TUSC3: variants seen among roughly 807,000 people sequenced by gnomAD.
The protein encoded by TUSC3 is tumor suppressor candidate 3.
A neutral mutation model predicts 44.8 loss-of-function variants in TUSC3; 45 were observed. That is an observed-to-expected ratio of 1.00 (90% CI 0.79 to 1.29). The LOEUF (loss-of-function observed/expected upper bound fraction) is 1.29, where lower values mean the gene tolerates loss of function less well. Among genes scored for constraint, TUSC3 ranks in the 50% most tolerant of loss-of-function variants. The pLI, the probability that TUSC3 is intolerant of heterozygous loss-of-function variation, is 0.00. For synonymous variants in TUSC3, 212 were observed against 152.9 expected (o/e 1.39, Z -2.85); for missense variants, 519 against 437.9 (o/e 1.19, Z -1.65).
intron 2 of TUSC3, among the ~76,000 whole-genome samples, chr8:15,484,979 G>A (rs996401646): frequency 4.9e-4 from 75 of 152,234 alleles, no homozygotes; most frequent in Non-Finnish European, 1.0e-3. Context: ...ACAGTATGGC[G>A]TATGGTATGG....
intron 2 of TUSC3, among the ~76,000 whole-genome samples, chr8:15,641,653 T>A (rs1806376758): frequency 6.6e-6 from 1 of 152,174 alleles, no homozygotes; most frequent in Non-Finnish European, 1.5e-5. Context: ...ATTACTAGTA[T>A]TGTCATGCTA....
At chr8:15,730,552 A>T (rs1585276568) in intron 6 of TUSC3, 114 bp from the exon 7 acceptor site, 2 of 1,026,426 alleles carry the variant, frequency 1.9e-6, no homozygotes, top group African/African-American at 1.6e-5. Flanking sequence ...GAAAGTAATA[A>T]AAAATTAGTA....
intron 1 of TUSC3, among the ~76,000 whole-genome samples, chr8:15,553,697 G>C (rs919486349): frequency 3.3e-5 from 5 of 151,718 alleles, no homozygotes; most frequent in Non-Finnish European, 2.9e-5. Context: ...GGGTTGTGAG[G>C]AAGTGGAGGC....
chr8:15,504,599 ATATATATATATATATATATATATTTTTT>A (rs1387765509), intron 2 of TUSC3, among the ~76,000 whole-genome samples: 6 of 35,914 alleles, frequency 1.7e-4, no homozygotes, highest in African/African-American at 9.7e-4. Context: ...ATATATATAT[ATATATATATATATATATATATATTTTTT>A]TTTTTTTTTT....
the TUSC3 span, among the ~76,000 whole-genome samples, chr8:15,819,048 A>T: frequency 6.6e-6 from 1 of 151,428 alleles, no homozygotes; most frequent in Non-Finnish European, 1.5e-5. Flanking sequence ...ACAGAGTGAG[A>T]CCCCTGTCTC....
chr8:15,633,124 A>G (rs1297751338), intron 2 of TUSC3, among the ~76,000 whole-genome samples: 1 of 152,176 alleles, frequency 6.6e-6, no homozygotes, highest in East Asian at 1.9e-4. Context: ...GTGTATACGT[A>G]TTTTAAAATT....
chr8:15,754,660 C>CCT (rs952216655), intron 9 of TUSC3, among the ~76,000 whole-genome samples: 1 of 152,104 alleles, frequency 6.6e-6, no homozygotes, highest in Non-Finnish European at 1.5e-5. Flanking sequence ...GGGTGTTATG[C>CCT]CTCCGCCTTT....
chr8:15,550,549 T>C (rs1428659251), intron 1 of TUSC3, among the ~76,000 whole-genome samples: 1 of 151,766 alleles, frequency 6.6e-6, no homozygotes, highest in African/African-American at 2.4e-5. Flanking sequence ...GAATTTATGC[T>C]GTCAGGGTCT....
intron 1 of TUSC3, among the ~76,000 whole-genome samples, chr8:15,577,582 A>G (rs1473024075): frequency 3.4e-5 from 5 of 148,312 alleles, no homozygotes; most frequent in East Asian, 2.0e-4. Flanking sequence ...TCCTTTCCCC[A>G]TTGCTTGTTT....
chr8:15,522,025 T>C (rs930118389), intron 2 of TUSC3, among the ~76,000 whole-genome samples: 2 of 152,206 alleles, frequency 1.3e-5, no homozygotes, highest in Non-Finnish European at 2.9e-5. Context: ...TGTTACAATA[T>C]TCCAACCTCC....
the TUSC3 span, among the ~76,000 whole-genome samples, chr8:15,783,320 C>T: frequency 5.3e-5 from 8 of 152,198 alleles, no homozygotes; most frequent in East Asian, 3.9e-4. Flanking sequence ...ACAGATTTGA[C>T]GCAATCCCTA....
chr8:15,673,946 A>T (rs568723042), intron 6 of TUSC3, 110 bp downstream of exon 6: 2 of 912,286 alleles, frequency 2.2e-6, no homozygotes, highest in East Asian at 5.2e-5. Context: ...GTCAGTCAAA[A>T]TATATATTCT....
At chr8:15,768,248 C>G (rs1320867248), downstream of TUSC3, among the ~76,000 whole-genome samples, 1 of 152,088 alleles carries the variant, frequency 6.6e-6, no homozygotes, top group Non-Finnish European at 1.5e-5. Flanking sequence ...ACACAGACAA[C>G]ATGTGACAGT....
At chr8:15,837,220 T>C in the TUSC3 span, among the ~76,000 whole-genome samples, 1 of 30,628 alleles carries the variant, frequency 3.3e-5, no homozygotes. Flanking sequence ...GATTATGTCT[T>C]TTTTTTTAAA....
chr8:15,741,004 A>G (rs986162146), intron 7 of TUSC3, among the ~76,000 whole-genome samples: 5 of 152,212 alleles, frequency 3.3e-5, no homozygotes, highest in African/African-American at 9.6e-5. Context: ...AGTTTTCAAC[A>G]TTGTAACAAT....
At chr8:15,708,841 TTGA>T (rs1410279169) in intron 6 of TUSC3, among the ~76,000 whole-genome samples, 2 of 151,892 alleles carry the variant, frequency 1.3e-5, no homozygotes, top group Non-Finnish European at 2.9e-5. Context: ...GTGTGTAAAC[TTGA>T]TGATTCTGAC....
intron 2 of TUSC3, among the ~76,000 whole-genome samples, chr8:15,486,701 C>T (rs182005564): frequency 6.6e-6 from 1 of 152,138 alleles, no homozygotes; most frequent in African/African-American, 2.4e-5. Flanking sequence ...CCTCCGCCTC[C>T]CAAAGTGCTG....
chr8:15,470,322 C>A (rs1800472096), intron 1 of TUSC3, among the ~76,000 whole-genome samples: 1 of 148,712 alleles, frequency 6.7e-6, no homozygotes, highest in South Asian at 2.1e-4. Flanking sequence ...ATAGGTGGAA[C>A]AAAGAGGTTT....
chr8:15,418,638 T>G (rs35709193), intron 1 of TUSC3, among the ~76,000 whole-genome samples: 5,206 of 152,246 alleles, frequency 0.034, 292 homozygotes, highest in African/African-American at 0.12. Flanking sequence ...ATCGGTCAGA[T>G]GAAATTGAAG....
Sources: gnomAD v4.1 joint callset for allele counts (sites outside exome capture counted in the v4.1 genomes callset) on GRCh38, gnomAD v4.1.1 for gene constraint, MANE v1.5 for transcripts, NCBI Gene and HGNC (gene_info 2026-07-23, HGNC 2026-07-21) for gene names.